Variants in GPC3 observed in about 807,000 individuals in gnomAD.
GPC3 encodes the protein glypican-3.
Under a neutral mutation model 34.4 loss-of-function variants are expected in GPC3, and 3 were observed. The ratio of observed to expected loss-of-function variants is 0.09; its 90% confidence interval spans 0.04 to 0.23. The LOEUF is 0.23. Among genes scored for constraint, GPC3 ranks in the 10% least tolerant of loss-of-function variants. The pLI, the probability that GPC3 is intolerant of heterozygous loss-of-function variation, is 1.00. For synonymous variants in GPC3, 177 were observed against 174.0 expected, an observed-to-expected ratio of 1.02 and a Z score of -0.13; for missense variants, 351 against 445.6, an observed-to-expected ratio of 0.79 and a Z score of 1.91.
intron 6 of GPC3, among the ~76,000 whole-genome samples, chrX:133,643,193 G>C (rs1450917568): frequency 9.0e-6 from 1 of 110,545 alleles, no homozygotes. Context: ...GTCTCTAAAA[G>C]GTCCTTGGTG....
chrX:133,947,590 C>A (rs981428825), intron 2 of GPC3, among the ~76,000 whole-genome samples: 10 of 111,989 alleles, frequency 8.9e-5, no homozygotes, highest in Admixed American at 8.5e-4. Flanking sequence ...TGGCTTTAAA[C>A]ACTCAGTTTC....
At chrX:133,698,835 T>C (rs1275152473) in intron 4 of GPC3, among the ~76,000 whole-genome samples, 3 of 111,896 alleles carry the variant, frequency 2.7e-5, no homozygotes, top group Non-Finnish European at 5.6e-5. Context: ...TTCTCCTCTC[T>C]CCCTAAAAGG....
chrX:133,702,817 A>T (rs1043556729), intron 3 of GPC3, among the ~76,000 whole-genome samples: 10 of 111,876 alleles, frequency 8.9e-5, no homozygotes, highest in Non-Finnish European at 1.9e-5. Context: ...GCCACATCTT[A>T]TCAGACAGGC....
chrX:133,866,467 C>T (rs1392691699), intron 2 of GPC3, among the ~76,000 whole-genome samples: 1 of 111,804 alleles, frequency 8.9e-6, no homozygotes, highest in African/African-American at 3.2e-5. Flanking sequence ...ATACTCCCCT[C>T]ATAACACTTC....
intron 7 of GPC3, among the ~76,000 whole-genome samples, chrX:133,551,692 T>C (rs1003517518): frequency 8.0e-5 from 9 of 112,027 alleles, no homozygotes; most frequent in African/African-American, 1.9e-4. Context: ...GTTCCATTCC[T>C]TTTAGAAGAG....
rs150738171 is a variant in GPC3, at chrX:133,659,675, C to T, written c.1413+2055G>A. 4.3e-4 allele frequency among the ~76,000 whole-genome samples: 48 copies of T among 111,778 alleles called. 1 individual carries two copies. In the East Asian group the frequency reaches 0.013, roughly 31 times the overall value. Reference sequence around the variant, plus strand: ...AGACTTCCTTTGAATCCCCAAAGTCCCTGGCACCTGGCTGAGTACATAGTA... The same window carrying T: ...AGACTTCCTTTGAATCCCCAAAGTCTCTGGCACCTGGCTGAGTACATAGTA... On this transcript the variant is annotated intron_variant, in intron 6 of 7. Coordinates refer to ENST00000370818, the MANE Select transcript of GPC3 (RefSeq NM_004484.4).
At chrX:133,669,553 C>T (rs1426747678) in intron 5 of GPC3, among the ~76,000 whole-genome samples, 1 of 112,104 alleles carries the variant, frequency 8.9e-6, no homozygotes, top group African/African-American at 3.2e-5. Context: ...CCAGCGTGGC[C>T]CCAATTCTTC....
intron 7 of GPC3, among the ~76,000 whole-genome samples, chrX:133,541,258 CA>C (rs1303471846): frequency 1.6e-4 from 17 of 103,247 alleles, no homozygotes; most frequent in East Asian, 1.2e-3. Context: ...AAAACAAAAA[CA>C]AAAAAAAAAC....
chrX:133,900,521 A>G (rs2076139658), intron 2 of GPC3, among the ~76,000 whole-genome samples: 1 of 111,660 alleles, frequency 9.0e-6, no homozygotes, highest in Non-Finnish European at 1.9e-5. Context: ...GGAAGATCTG[A>G]GGATTAAACA....
chrX:133,846,182 C>T (rs1307277265), intron 2 of GPC3, among the ~76,000 whole-genome samples: 1 of 112,104 alleles, frequency 8.9e-6, no homozygotes, highest in Admixed American at 9.4e-5. Context: ...AAAGTTTGCT[C>T]TTTTAAGCAG....
chrX:133,692,480 T>C lies in GPC3; in HGVS notation c.1181A>G (p.Lys394Arg), dbSNP rs764609423. 2.2e-5 allele frequency: 26 copies of C among 1,205,319 alleles called. No individual in the cohort carries two copies. Among genetic ancestry groups the C allele is most frequent in the Non-Finnish European group, 2.8e-5 (25 of 890,409 alleles). Residue 394 changes from lysine (K) to arginine (R), a missense_variant, in exon 5 of 8, where the codon AAG (lysine) becomes AGG (arginine). Transcript: ENST00000370818. The stretch of plus-strand genomic sequence containing the variant: ...ATAGAAGCTGATGAAAGACTTCAAC[T>C]TCTGAATTAGTTCCCTAAAAGAAAA... The part of the protein sequence containing the change: ...LSSRRRELIQ[K>R]LKSFISFYSA...
chrX:133,795,943 C>CTTTTTTTTTTTTT (rs753300332), intron 2 of GPC3, among the ~76,000 whole-genome samples: 1 of 84,937 alleles, frequency 1.2e-5, no homozygotes, highest in Non-Finnish European at 2.3e-5. Flanking sequence ...TTTCTTTTTC[C>CTTTTTTTTTTTTT]TTTTTTTTTT....
At chrX:133,737,632 T>C (rs1283972891) in intron 3 of GPC3, among the ~76,000 whole-genome samples, 1 of 112,032 alleles carries the variant, frequency 8.9e-6, no homozygotes, top group African/African-American at 3.2e-5. Context: ...ACATTCCATA[T>C]GGTCTCAATG....
chrX:133,788,989 G>A (rs998774130), intron 2 of GPC3, among the ~76,000 whole-genome samples: 2 of 110,657 alleles, frequency 1.8e-5, no homozygotes, highest in African/African-American at 6.6e-5. Context: ...AGACCAGGCA[G>A]CCACTATGAG....
intron 2 of GPC3, among the ~76,000 whole-genome samples, chrX:133,803,465 G>A (rs762313668): frequency 1.8e-5 from 2 of 111,887 alleles, no homozygotes; most frequent in Non-Finnish European, 3.8e-5. Context: ...CGGACTCTTT[G>A]AGGCCTGTAA....
Position 133,753,953 on chromosome X carries a change from C to T in GPC3, c.561G>A (p.Leu187=). 1 of 1,210,830 alleles carries T rather than the reference C, an allele frequency of 8.3e-7. No homozygotes were observed. The highest frequency in any genetic ancestry group is 1.1e-6 in the Non-Finnish European group (1 of 894,642). The change falls in exon 3 of 8, where the codon CTG becomes CTA. Residue 187 remains leucine, a synonymous_variant. Transcript: ENST00000370818. ...CATTGATGTCCAAGGCTGAATCAGGCAGGCCTGGGTTCATTAGCTGGGTAT... is the reference window on the plus strand; with the variant it reads ...CATTGATGTCCAAGGCTGAATCAGGTAGGCCTGGGTTCATTAGCTGGGTAT... ...VIYTQLMNPG[L]PDSALDINEC...
At chrX:133,578,848 G>T (rs1373403300) in intron 7 of GPC3, among the ~76,000 whole-genome samples, 1 of 110,420 alleles carries the variant, frequency 9.1e-6, no homozygotes, top group African/African-American at 3.3e-5. Context: ...AGTGGAGTGG[G>T]GTGCTGTGAT....
intron 6 of GPC3, among the ~76,000 whole-genome samples, chrX:133,630,052 C>T (rs973402676): frequency 1.8e-5 from 2 of 108,557 alleles, no homozygotes; most frequent in Non-Finnish European, 3.8e-5. Context: ...GAAACTCCAT[C>T]TCAAAAATAA....
chrX:133,908,985 G>A (rs926273552), intron 2 of GPC3, among the ~76,000 whole-genome samples: 3 of 111,581 alleles, frequency 2.7e-5, no homozygotes, highest in East Asian at 2.8e-4. Flanking sequence ...ATTGAACTAC[G>A]CCACCCAGCT....
Sources: gnomAD v4.1 joint callset for allele counts (sites outside exome capture counted in the v4.1 genomes callset) on GRCh38, gnomAD v4.1.1 for gene constraint, MANE v1.5 for transcripts, NCBI Gene and HGNC (gene_info 2026-07-23, HGNC 2026-07-21) for gene names.